Variants in ANK3 observed in about 807,000 individuals in gnomAD.
ANK3 encodes the protein ankyrin 3, also known as ankyrin-3.
Under a neutral mutation model 370.9 loss-of-function variants are expected in ANK3, and 57 were observed. The ratio of observed to expected loss-of-function variants is 0.15; its 90% CI spans 0.12 to 0.19. ANK3 has a LOEUF of 0.19. Ranked by LOEUF, ANK3 falls within the 10% of genes least tolerant of loss-of-function variation. The pLI is 1.00. For synonymous variants in ANK3, 1,929 were observed against 1,946.3 expected, an observed-to-expected ratio of 0.99 and a Z score of 0.23; for missense variants, 4,439 against 5,302.1, an observed-to-expected ratio of 0.84 and a Z score of 5.06.
intron 1 of ANK3, among the ~76,000 whole-genome samples, chr10:60,720,023 T>C (rs1206711253): frequency 6.6e-6 from 1 of 152,192 alleles, no homozygotes; most frequent in Non-Finnish European, 1.5e-5. Context: ...AGAAAAATGT[T>C]GAACGAATTC....
Position 60,575,153 on chromosome 10 carries a change from C to T in ANK3, c.96+40033G>A, listed in dbSNP as rs749397833. Among the ~76,000 whole-genome samples the T allele has an allele frequency of 7.2e-5, 11 of 151,938 alleles. 1 individual carries two copies. The highest frequency in any genetic ancestry group is 1.6e-4 in the Non-Finnish European group (11 of 67,990). On this transcript the variant is annotated intron_variant, in intron 2 of 43. Transcript: ENST00000373827. ...TATAAAATTCTTTTTAAACTATAAACGGGTGTTTAAATTAATGTAAAATTT... is the reference window on the plus strand; with the variant it reads ...TATAAAATTCTTTTTAAACTATAAATGGGTGTTTAAATTAATGTAAAATTT...
intron 1 of ANK3, among the ~76,000 whole-genome samples, chr10:60,360,659 C>T (rs977614639): frequency 6.6e-6 from 1 of 152,006 alleles, no homozygotes; most frequent in African/African-American, 2.4e-5. Flanking sequence ...CAGTTCACGC[C>T]ACTGTACTCC....
At chr10:60,707,422 C>G (rs1299556393) in intron 1 of ANK3, among the ~76,000 whole-genome samples, 1 of 152,010 alleles carries the variant, frequency 6.6e-6, no homozygotes, top group African/African-American at 2.4e-5. Context: ...AAATTAGAGC[C>G]TCAGTTGTAA....
intron 7 of ANK3, among the ~76,000 whole-genome samples, chr10:60,251,281 C>T (rs923177442): frequency 1.3e-5 from 2 of 152,118 alleles, no homozygotes; most frequent in African/African-American, 4.8e-5. Context: ...CTCTGGGGTG[C>T]ATTGCTGGGG....
intron 1 of ANK3, among the ~76,000 whole-genome samples, chr10:60,731,961 CAG>C (rs1224056057): frequency 6.6e-6 from 1 of 152,308 alleles, no homozygotes; most frequent in South Asian, 2.1e-4. Context: ...GTTGAAACTT[CAG>C]AGTCTTCTTT....
intron 9 of ANK3, among the ~76,000 whole-genome samples, chr10:60,212,503 G>A: frequency 6.6e-6 from 1 of 152,028 alleles, no homozygotes; most frequent in East Asian, 1.9e-4. Flanking sequence ...CACTCAAAAG[G>A]CCAAGATGTC....
chr10:60,653,991 T>C (rs1004258874), intron 1 of ANK3, among the ~76,000 whole-genome samples: 4 of 152,178 alleles, frequency 2.6e-5, no homozygotes, highest in Non-Finnish European at 5.9e-5. Context: ...TCTCCATTTG[T>C]TTGAGTGTTT....
At chr10:60,080,670 C>A in intron 35 of ANK3, 52 bp from the exon 36 acceptor site, 5 of 1,371,920 alleles carry the variant, frequency 3.6e-6, no homozygotes, top group Non-Finnish European at 5.0e-6. Flanking sequence ...CCTGTGACAT[C>A]TTCAGTTTTA....
chr10:60,410,470 TGGAG>T (rs2132927645), intron 2 of ANK3, among the ~76,000 whole-genome samples: 2 of 152,190 alleles, frequency 1.3e-5, no homozygotes, highest in African/African-American at 4.8e-5. Context: ...GTTGGAAGGA[TGGAG>T]GGAGGGAAGA....
rs758136618 is a variant in ANK3 at position 60,068,821 on chromosome 10, C to T, written c.12060G>A (p.Lys4020=). ...LVDRLSEEEK[K]MQSELSDEEE... ...CCTCATCGGACAACTCGGACTGCAT[C>T]TTTTTTTCTTCTTCAGAGAGGCGGT... The change falls in exon 37 of 44, where the codon AAG becomes AAA. Residue 4020 remains lysine (K), a synonymous_variant. Coordinates refer to ENST00000280772, the MANE Select transcript of ANK3 (RefSeq NM_020987.5). 1 of 1,614,172 alleles carries T rather than the reference C, an allele frequency of 6.2e-7. No homozygotes were observed. The highest frequency in any genetic ancestry group is 1.1e-5 in the South Asian group (1 of 91,084).
intron 1 of ANK3, among the ~76,000 whole-genome samples, chr10:60,374,355 T>C (rs539997773): frequency 1.3e-5 from 2 of 152,122 alleles, no homozygotes; most frequent in East Asian, 1.9e-4. Flanking sequence ...TGTAAAATAA[T>C]AGTTAAGATG....
In ANK3 at chr10:60,277,383, C is replaced by T. The variant is rs767788698; in HGVS notation, c.414+1391G>A. 9.2e-5 allele frequency among the ~76,000 whole-genome samples: 14 copies of T among 152,116 alleles called. 1 individual carries two copies. The highest frequency in any genetic ancestry group is 1.8e-4 in the Non-Finnish European group (12 of 68,028). ...TAAAACTGGAAATTATAAAAATAGG[C>T]TTATATGATTTAATAAAATGTAAGT... On this transcript the variant is annotated intron_variant, in intron 4 of 43. Transcript: ENST00000280772.
intron 2 of ANK3, among the ~76,000 whole-genome samples, chr10:60,512,027 C>G (rs2076097736): frequency 6.6e-6 from 1 of 151,936 alleles, no homozygotes. Context: ...TTCACTGTGG[C>G]AACACTCAGG....
intron 17 of ANK3, among the ~76,000 whole-genome samples, chr10:60,184,274 A>T (rs1171699965): frequency 1.3e-5 from 2 of 152,232 alleles, no homozygotes; most frequent in Non-Finnish European, 2.9e-5. Flanking sequence ...TGCTTAAAAC[A>T]CTGGCAGCTC....
intron 1 of ANK3, among the ~76,000 whole-genome samples, chr10:60,638,097 G>C (rs2078579779): frequency 1.3e-5 from 2 of 152,170 alleles, no homozygotes; most frequent in Admixed American, 1.3e-4. Context: ...TGCACTGAAG[G>C]TTCCAAAGAT....
intron 1 of ANK3, among the ~76,000 whole-genome samples, chr10:60,628,296 T>C (rs1234754279): frequency 6.6e-6 from 1 of 152,228 alleles, no homozygotes; most frequent in African/African-American, 2.4e-5. Flanking sequence ...TACCTGAAGC[T>C]ACTCTTTGCT....
At chr10:60,246,198 G>A (rs1263590169) in intron 7 of ANK3, among the ~76,000 whole-genome samples, 2 of 143,310 alleles carry the variant, frequency 1.4e-5, no homozygotes, top group African/African-American at 5.2e-5. Context: ...GGAGCTTGCA[G>A]TGAGCTGAGA....
rs1490353317 is a variant in ANK3, at chr10:60,157,446, C to T, written c.2614+9145G>A. Among the ~76,000 whole-genome samples, 7 of 151,518 alleles carry T rather than the reference C, an allele frequency of 4.6e-5. No homozygotes were observed. The East Asian group carries it at 1.4e-3, about 29-fold the overall frequency. On this transcript the variant is annotated intron_variant, in intron 23 of 43. Transcript: ENST00000280772. The stretch of plus-strand genomic sequence containing the variant: ...ACCTTCTGGGCCCAGGTGTTTATAC[C>T]ACTTAAACACTGCAAGTACTTGGGA...
chr10:60,394,407 C>A (rs900871178), upstream of ANK3, among the ~76,000 whole-genome samples: 1 of 151,908 alleles, frequency 6.6e-6, no homozygotes, highest in Non-Finnish European at 1.5e-5. Context: ...GGGGGTGGCA[C>A]CTCTGGATAA....
Sources: gnomAD v4.1 joint callset for allele counts (sites outside exome capture counted in the v4.1 genomes callset) on GRCh38, gnomAD v4.1.1 for gene constraint, MANE v1.5 for transcripts, NCBI Gene and HGNC (gene_info 2026-07-23, HGNC 2026-07-21) for gene names.